CFAP54: variants seen among roughly 807,000 people sequenced by gnomAD.
CFAP54 encodes the protein cilia- and flagella-associated protein 54.
CFAP54 carries 290 observed loss-of-function variants against 370.4 expected under a neutral mutation model. The ratio of observed to expected loss-of-function variants is 0.78; its 90% CI spans 0.71 to 0.86. The LOEUF is 0.86. CFAP54 is among the 40% of genes least tolerant of loss of function. CFAP54 has a pLI of 0.00. For missense variants in CFAP54, 3,399 were observed against 3,528.7 expected, an observed-to-expected ratio of 0.96 and a Z score of 0.93; for synonymous variants, 1,206 against 1,236.5, an observed-to-expected ratio of 0.98 and a Z score of 0.52.
chr12:96,825,238 G>T (rs561223325), intron 65 of CFAP54, among the ~76,000 whole-genome samples: 2 of 116,904 alleles, frequency 1.7e-5, no homozygotes, highest in African/African-American at 3.3e-5. Context: ...CCCACATCTA[G>T]GATCCTAGAT....
At chr12:96,697,930 C>A (rs1957453148) in intron 45 of CFAP54, among the ~76,000 whole-genome samples, 1 of 152,182 alleles carries the variant, frequency 6.6e-6, no homozygotes, top group African/African-American at 2.4e-5. Context: ...CTGACCTCCT[C>A]CCCTTGCTCC....
intron 15 of CFAP54, among the ~76,000 whole-genome samples, chr12:96,550,253 G>C (rs977180479): frequency 1.3e-5 from 2 of 152,096 alleles, no homozygotes; most frequent in Admixed American, 6.5e-5. Flanking sequence ...GAATGTGAGC[G>C]TGTGGGGTCT....
At chr12:96,791,068 A>G (rs2136700888) in intron 62 of CFAP54, among the ~76,000 whole-genome samples, 2 of 152,296 alleles carry the variant, frequency 1.3e-5, no homozygotes, top group East Asian at 3.9e-4. Context: ...AAACCTTGAC[A>G]GGCCTTAGAT....
intron 62 of CFAP54, among the ~76,000 whole-genome samples, chr12:96,791,851 C>CTT (rs112115771): frequency 1.3e-4 from 17 of 134,458 alleles, no homozygotes; most frequent in South Asian, 4.8e-4. Context: ...ATTTTTTTTT[C>CTT]TTTTTTTTTT....
At chr12:96,612,330 G>C (rs1956367304) in intron 26 of CFAP54, among the ~76,000 whole-genome samples, 1 of 152,130 alleles carries the variant, frequency 6.6e-6, no homozygotes. Flanking sequence ...TTACAGACAA[G>C]CAAATGCTGA....
intron 14 of CFAP54, among the ~76,000 whole-genome samples, chr12:96,541,763 A>G (rs1320401845): frequency 2.0e-5 from 3 of 151,342 alleles, no homozygotes; most frequent in African/African-American, 4.9e-5. Flanking sequence ...TCTACTTTCT[A>G]TCTCCTTTTC....
At chr12:96,552,510 A>T (rs1406889810) in intron 15 of CFAP54, among the ~76,000 whole-genome samples, 1 of 151,788 alleles carries the variant, frequency 6.6e-6, no homozygotes, top group East Asian at 2.0e-4. Flanking sequence ...TGCCCGGCTA[A>T]TTTTTGTATT....
chr12:96,729,303 C>T (rs970754689), intron 50 of CFAP54, among the ~76,000 whole-genome samples: 2 of 152,220 alleles, frequency 1.3e-5, no homozygotes. Flanking sequence ...CAGAGGCCGG[C>T]AGGCCTCCTT....
chr12:96,697,760 A>G (rs1957451846), intron 45 of CFAP54, among the ~76,000 whole-genome samples: 1 of 152,150 alleles, frequency 6.6e-6, no homozygotes, highest in South Asian at 2.1e-4. Flanking sequence ...TATTCTCTAC[A>G]AAGTCACTAG....
intron 12 of CFAP54, among the ~76,000 whole-genome samples, chr12:96,537,050 A>C (rs1025604942): frequency 3.3e-5 from 5 of 152,216 alleles, no homozygotes; most frequent in African/African-American, 9.6e-5. Flanking sequence ...ATTCCCAAAC[A>C]TTGCAGGAAG....
At chr12:96,517,516 A>G (rs965330392) in intron 5 of CFAP54, among the ~76,000 whole-genome samples, 6 of 152,240 alleles carry the variant, frequency 3.9e-5, no homozygotes, top group Non-Finnish European at 7.3e-5. Flanking sequence ...CACCCAACCC[A>G]AACCACAACA....
intron 15 of CFAP54, among the ~76,000 whole-genome samples, chr12:96,551,341 A>G (rs886136251): frequency 1.3e-5 from 2 of 152,116 alleles, no homozygotes; most frequent in African/African-American, 4.8e-5. Flanking sequence ...CAACTTGGGT[A>G]GTGAGAAGAG....
chr12:96,703,080 G>C (rs1185328426), intron 46 of CFAP54, among the ~76,000 whole-genome samples: 2 of 151,982 alleles, frequency 1.3e-5, no homozygotes, highest in African/African-American at 4.8e-5. Flanking sequence ...TCAAAGAAGG[G>C]AAAAATTTTT....
chr12:96,687,216 A>T (rs1171097437), intron 42 of CFAP54, among the ~76,000 whole-genome samples: 3 of 152,108 alleles, frequency 2.0e-5, no homozygotes, highest in Non-Finnish European at 4.4e-5. Flanking sequence ...ACGATCCAGG[A>T]TAATCTTCCT....
intron 65 of CFAP54, among the ~76,000 whole-genome samples, chr12:96,826,752 A>G (rs1452726464): frequency 8.9e-6 from 1 of 112,660 alleles, no homozygotes; most frequent in Non-Finnish European, 1.6e-5. Context: ...ATTCTTATAT[A>G]ATACATATTA....
At chr12:96,605,234 G>A (rs897782856) in intron 26 of CFAP54, among the ~76,000 whole-genome samples, 1 of 152,124 alleles carries the variant, frequency 6.6e-6, no homozygotes, top group Admixed American at 6.5e-5. Context: ...ATCTTATCAG[G>A]TTGTGATTTT....
intron 64 of CFAP54, 131 bp from the exon 65 acceptor site, chr12:96,817,644 T>G (rs532617790): frequency 2.8e-5 from 10 of 358,622 alleles, no homozygotes; most frequent in African/African-American, 1.9e-4. Context: ...ATGGTATCAA[T>G]CTCCTGACCT....
chr12:96,644,045 A>C, intron 32 of CFAP54, 133 bp from the exon 33 acceptor site: 2 of 667,104 alleles, frequency 3.0e-6, no homozygotes, highest in Non-Finnish European at 5.0e-6. Flanking sequence ...AGAAATGATA[A>C]ATAAGCCAGA....
At chr12:96,535,396 A>T (rs1009532602) in intron 11 of CFAP54, 119 bp from the exon 12 acceptor site, 10 of 660,932 alleles carry the variant, frequency 1.5e-5, no homozygotes, top group Admixed American at 2.5e-5. Flanking sequence ...TATTGACATG[A>T]TATTTGCCCG....
Sources: gnomAD v4.1 joint callset for allele counts (sites outside exome capture counted in the v4.1 genomes callset) on GRCh38, gnomAD v4.1.1 for gene constraint, MANE v1.5 for transcripts, NCBI Gene and HGNC (gene_info 2026-07-23, HGNC 2026-07-21) for gene names.